The following ARHGAP6 variants were observed in gnomAD, a reference collection of about 807,000 sequenced individuals.
ARHGAP6 encodes the protein Rho GTPase activating protein 6, also known as rho GTPase-activating protein 6.
ARHGAP6 carries 16 observed loss-of-function variants against 55.7 expected under a neutral mutation model. That is an observed-to-expected ratio of 0.29 (90% CI 0.19 to 0.44). The LOEUF (loss-of-function observed/expected upper bound fraction) is 0.44. ARHGAP6 is among the 20% of genes least tolerant of loss of function. ARHGAP6 has a pLI of 1.00. For synonymous variants in ARHGAP6, 382 were observed against 360.9 expected (o/e 1.06, Z -0.66); for missense variants, 698 against 808.9 (o/e 0.86, Z 1.66).
chrX:11,504,492 C>A (rs953084298), intron 1 of ARHGAP6, among the ~76,000 whole-genome samples: 6 of 111,789 alleles, frequency 5.4e-5, no homozygotes, highest in African/African-American at 2.0e-4. Context: ...AAATTACCCC[C>A]GTTAAGAATC....
intron 1 of ARHGAP6, among the ~76,000 whole-genome samples, chrX:11,479,360 G>A (rs1347709528): frequency 8.9e-6 from 1 of 112,353 alleles, no homozygotes; most frequent in Admixed American, 9.4e-5. Context: ...GCTCCAAAGA[G>A]ATTTAATGTT....
intron 2 of ARHGAP6, among the ~76,000 whole-genome samples, chrX:11,243,707 C>T (rs1371904045): frequency 8.9e-6 from 1 of 112,259 alleles, no homozygotes; most frequent in Non-Finnish European, 1.9e-5. Flanking sequence ...ATATATAAGA[C>T]AGTGGTCTGA....
At chrX:11,557,451 T>G (rs2051332168) in intron 1 of ARHGAP6, among the ~76,000 whole-genome samples, 1 of 108,377 alleles carries the variant, frequency 9.2e-6, no homozygotes, top group South Asian at 4.1e-4. Context: ...TTTGTTTCTT[T>G]TTTTTTGTTT....
intron 1 of ARHGAP6, among the ~76,000 whole-genome samples, chrX:11,660,743 A>G (rs1255060537): frequency 1.8e-5 from 2 of 109,317 alleles, no homozygotes; most frequent in Non-Finnish European, 3.8e-5. Flanking sequence ...TAGAATCACC[A>G]ACACCTCTGC....
chrX:11,239,750 G>A (rs1013841835), intron 2 of ARHGAP6, among the ~76,000 whole-genome samples: 8 of 111,738 alleles, frequency 7.2e-5, no homozygotes, highest in African/African-American at 2.6e-4. Flanking sequence ...AAGCTCCAAT[G>A]CCTATTCTGT....
At chrX:11,455,612 A>G (rs761449610) in intron 1 of ARHGAP6, among the ~76,000 whole-genome samples, 1 of 112,424 alleles carries the variant, frequency 8.9e-6, no homozygotes, top group South Asian at 3.7e-4. Context: ...CCAATTCATG[A>G]TATTTTGATG....
chrX:11,166,611 C>T, intron 9 of ARHGAP6, among the ~76,000 whole-genome samples: 1 of 111,578 alleles, frequency 9.0e-6, no homozygotes, highest in East Asian at 2.8e-4. Flanking sequence ...CTTGGTATAG[C>T]CGACTAGTTT....
At chrX:11,160,245 C>T (rs1010151226) in intron 9 of ARHGAP6, among the ~76,000 whole-genome samples, 4 of 106,512 alleles carry the variant, frequency 3.8e-5, no homozygotes, top group Non-Finnish European at 7.7e-5. Context: ...GTCAGGAGAT[C>T]GAGACCATCC....
intron 1 of ARHGAP6, among the ~76,000 whole-genome samples, chrX:11,401,590 T>C (rs1010605451): frequency 4.7e-5 from 5 of 107,174 alleles, no homozygotes; most frequent in African/African-American, 1.7e-4. Flanking sequence ...AAATGTCCCT[T>C]GGTGGGGGAG....
intron 1 of ARHGAP6, among the ~76,000 whole-genome samples, chrX:11,394,892 G>T (rs1232886911): frequency 9.0e-6 from 1 of 111,467 alleles, no homozygotes; most frequent in African/African-American, 3.3e-5. Context: ...AATTTATGGA[G>T]CCCTGATCAA....
At chrX:11,567,978 G>C (rs1430377902) in intron 1 of ARHGAP6, among the ~76,000 whole-genome samples, 1 of 111,799 alleles carries the variant, frequency 8.9e-6, no homozygotes, top group Admixed American at 9.5e-5. Context: ...ACCATGCTGG[G>C]AGAATTGCTT....
At chrX:11,561,935 A>G (rs1394602225) in intron 1 of ARHGAP6, among the ~76,000 whole-genome samples, 1 of 112,043 alleles carries the variant, frequency 8.9e-6, no homozygotes, top group Non-Finnish European at 1.9e-5. Flanking sequence ...GGCAACAATC[A>G]CAAAATGGAA....
chrX:11,351,742 C>T, intron 1 of ARHGAP6: 1 of 172,318 alleles, frequency 5.8e-6, no homozygotes, highest in Non-Finnish European at 9.3e-6. Flanking sequence ...AACTCCAGTC[C>T]TGACAGTGCT....
chrX:11,663,054 G>A lies in ARHGAP6; in HGVS notation c.588+1187C>T, dbSNP rs140070741. On this transcript the variant is annotated intron_variant, in intron 1 of 12. Transcript: ENST00000337414. ...AAAATTTGTTAGTTTTTTGTAATCT[G>A]CACCCCCAACACCTAACAGCCTCAG... 4.1e-3 allele frequency among the ~76,000 whole-genome samples: 458 copies of A among 112,085 alleles called. 2 individuals are homozygous for A. Among genetic ancestry groups the A allele is most frequent in the Non-Finnish European group, 6.8e-3 (362 of 53,235 alleles).
chrX:11,564,349 A>C (rs1483656864), intron 1 of ARHGAP6, among the ~76,000 whole-genome samples: 2 of 111,490 alleles, frequency 1.8e-5, no homozygotes, highest in African/African-American at 6.5e-5. Context: ...CCTTAAAAAA[A>C]GATTAAAAGT....
At chrX:11,144,307 A>T (rs768325522) in intron 10 of ARHGAP6, 59 bp from the exon 11 acceptor site, 1 of 1,196,788 alleles carries the variant, frequency 8.4e-7, no homozygotes, top group African/African-American at 1.7e-5. Flanking sequence ...GACCAGATTT[A>T]AACAATATGG....
intron 3 of ARHGAP6, among the ~76,000 whole-genome samples, chrX:11,192,755 G>A (rs2046477289): frequency 9.0e-6 from 1 of 111,681 alleles, no homozygotes; most frequent in Non-Finnish European, 1.9e-5. Context: ...TACATATATG[G>A]CATAATCTGA....
chrX:11,464,029 G>T (rs981079911), intron 1 of ARHGAP6, among the ~76,000 whole-genome samples: 1 of 111,909 alleles, frequency 8.9e-6, no homozygotes, highest in Non-Finnish European at 1.9e-5. Flanking sequence ...ATCTAAATCA[G>T]AAAATAATAA....
chrX:11,464,069 T>C (rs767191949), intron 1 of ARHGAP6, among the ~76,000 whole-genome samples: 5 of 111,956 alleles, frequency 4.5e-5, no homozygotes, highest in African/African-American at 1.3e-4. Context: ...ATGGTTACTT[T>C]GAGTTTTTGG....
Sources: allele counts gnomAD v4.1 joint callset (sites outside exome capture counted in the v4.1 genomes callset), GRCh38; gene constraint gnomAD v4.1.1; transcripts MANE v1.5; gene names NCBI Gene and HGNC (gene_info 2026-07-23, HGNC 2026-07-21).